Variants in SLC4A4 observed in about 807,000 individuals in gnomAD.
SLC4A4 encodes electrogenic sodium bicarbonate cotransporter 1.
A neutral mutation model predicts 111.5 loss-of-function variants in SLC4A4; 27 were observed. That is an observed-to-expected ratio of 0.24 (90% CI 0.18 to 0.33). The LOEUF is 0.33. Among genes scored for constraint, SLC4A4 ranks in the 10% least tolerant of loss-of-function variants. The probability of loss-of-function intolerance (pLI) is 1.00; values close to 1 mark genes in which losing one functional copy is unlikely to be tolerated. For synonymous variants in SLC4A4, 443 were observed against 463.4 expected (o/e 0.96, Z 0.57); for missense variants, 909 against 1,315.5 (o/e 0.69, Z 4.78).
At chr4:71,450,640 T>G (rs2149075704) in intron 10 of SLC4A4, 97 bp downstream of exon 10, 1 of 1,153,282 alleles carries the variant, frequency 8.7e-7, no homozygotes. Context: ...GTTGTTCTAA[T>G]ATTTTCAGGT....
intron 1 of SLC4A4, among the ~76,000 whole-genome samples, chr4:71,072,728 T>A (rs1443403766): frequency 6.6e-6 from 1 of 152,090 alleles, no homozygotes; most frequent in African/African-American, 2.4e-5. Context: ...TTTGGTCCTT[T>A]TTTTTGTTGT....
At chr4:71,360,768 AC>A (rs1730704643) in intron 6 of SLC4A4, among the ~76,000 whole-genome samples, 1 of 152,176 alleles carries the variant, frequency 6.6e-6, no homozygotes, top group South Asian at 2.1e-4. Context: ...AATTTACAAT[AC>A]AATATTGTAT....
chr4:71,159,152 T>C (rs543351237), intron 2 of SLC4A4, among the ~76,000 whole-genome samples: 1 of 152,244 alleles, frequency 6.6e-6, no homozygotes, highest in Non-Finnish European at 1.5e-5. Flanking sequence ...GAAAATGGTA[T>C]CATGCCTTGC....
At chr4:71,459,522 T>C in intron 12 of SLC4A4, among the ~76,000 whole-genome samples, 1 of 152,190 alleles carries the variant, frequency 6.6e-6, no homozygotes, top group Non-Finnish European at 1.5e-5. Context: ...GTATGAATAT[T>C]TAACATCATT....
At chr4:71,547,622 T>C in intron 19 of SLC4A4, 26 bp from the exon 20 acceptor site, 6 of 1,583,154 alleles carry the variant, frequency 3.8e-6, no homozygotes, top group Non-Finnish European at 5.2e-6. Context: ...AAGAGGTAGA[T>C]TGGTAATCTT....
At chr4:71,292,842 GTTTT>G (rs869195687) in intron 3 of SLC4A4, among the ~76,000 whole-genome samples, 1 of 110,184 alleles carries the variant, frequency 9.1e-6, no homozygotes, top group Non-Finnish European at 1.8e-5. Context: ...GGTTTTTTTT[GTTTT>G]TTTTTTTTTT....
intron 2 of SLC4A4, among the ~76,000 whole-genome samples, chr4:71,138,769 G>T (rs937455556): frequency 2.0e-5 from 3 of 152,162 alleles, no homozygotes; most frequent in Admixed American, 1.3e-4. Flanking sequence ...GGGCGCGGTG[G>T]CTCACGCCTG....
chr4:71,200,999 T>C (rs1042004146), intron 1 of SLC4A4, among the ~76,000 whole-genome samples: 1 of 152,226 alleles, frequency 6.6e-6, no homozygotes, highest in Non-Finnish European at 1.5e-5. Flanking sequence ...CCTCCATGAC[T>C]GTCAGGGTTT....
At chr4:71,226,837 A>T (rs906955118) in intron 1 of SLC4A4, among the ~76,000 whole-genome samples, 1 of 152,134 alleles carries the variant, frequency 6.6e-6, no homozygotes, top group African/African-American at 2.4e-5. Flanking sequence ...ATTGATTCAT[A>T]GTCACTGAAT....
rs531442348 is a variant in SLC4A4 at position 71,133,594 on chromosome 4, G to A, written c.-2+40802G>A. Reference sequence around the variant, plus strand: ...GGCTGCCTTCCTCCAGAGTGCAAACGCAGAAGTCCCAGGCCTTTTTTAGGC... The same window carrying A: ...GGCTGCCTTCCTCCAGAGTGCAAACACAGAAGTCCCAGGCCTTTTTTAGGC... On this transcript the variant is annotated intron_variant, in intron 2 of 26. Transcript: ENST00000649996. Among the ~76,000 whole-genome samples, 16 of 152,274 alleles carry A rather than the reference G, an allele frequency of 1.1e-4. No homozygotes were observed. In the East Asian group the frequency reaches 1.2e-3, roughly 11 times the overall value.
At chr4:71,150,082 C>A (rs959412365) in intron 2 of SLC4A4, among the ~76,000 whole-genome samples, 1 of 152,082 alleles carries the variant, frequency 6.6e-6, no homozygotes, top group Non-Finnish European at 1.5e-5. Context: ...ATAAAACCAT[C>A]TTTAATGCTT....
chr4:71,120,961 C>T (rs1218450540), intron 2 of SLC4A4, among the ~76,000 whole-genome samples: 3 of 152,206 alleles, frequency 2.0e-5, no homozygotes, highest in Non-Finnish European at 2.9e-5. Flanking sequence ...GGCAGCACGC[C>T]GCCCTCGCGG....
At chr4:71,370,457 T>A (rs962919889) in intron 6 of SLC4A4, among the ~76,000 whole-genome samples, 5 of 152,116 alleles carry the variant, frequency 3.3e-5, no homozygotes, top group African/African-American at 4.8e-5. Context: ...GGGAAAAAAA[T>A]TTCAGGTAAA....
At chr4:71,212,691 C>T (rs566688946) in intron 1 of SLC4A4, among the ~76,000 whole-genome samples, 16 of 152,086 alleles carry the variant, frequency 1.1e-4, no homozygotes, top group East Asian at 9.7e-4. Context: ...TGTGTGTGCA[C>T]GTGTGTGTGT....
intron 2 of SLC4A4, among the ~76,000 whole-genome samples, chr4:71,250,787 C>A (rs908959336): frequency 6.6e-6 from 1 of 152,242 alleles, no homozygotes; most frequent in East Asian, 1.9e-4. Context: ...AACACACCAT[C>A]AAAGTAGTGA....
intron 6 of SLC4A4, among the ~76,000 whole-genome samples, chr4:71,385,707 A>G (rs769639352): frequency 1.6e-4 from 24 of 152,116 alleles, no homozygotes; most frequent in Non-Finnish European, 2.4e-4. Flanking sequence ...AAAATTGCCT[A>G]TTGTTACTAC....
chr4:71,426,455 T>C (rs1443172842), intron 7 of SLC4A4, among the ~76,000 whole-genome samples: 1 of 152,038 alleles, frequency 6.6e-6, no homozygotes, highest in Non-Finnish European at 1.5e-5. Flanking sequence ...GGGATGCTGC[T>C]CAAAGGTGTG....
intron 3 of SLC4A4, among the ~76,000 whole-genome samples, chr4:71,316,203 G>A (rs1726662862): frequency 6.6e-6 from 1 of 152,142 alleles, no homozygotes; most frequent in African/African-American, 2.4e-5. Context: ...CAAAATAAAT[G>A]TTTGCAGATT....
At chr4:71,069,021 T>G (rs2148929239) in intron 1 of SLC4A4, among the ~76,000 whole-genome samples, 1 of 152,372 alleles carries the variant, frequency 6.6e-6, no homozygotes, top group East Asian at 1.9e-4. Context: ...CATTCCCAAC[T>G]GGTTCCATTG....
Sources: gnomAD v4.1 joint callset for allele counts (sites outside exome capture counted in the v4.1 genomes callset) on GRCh38, gnomAD v4.1.1 for gene constraint, MANE v1.5 for transcripts, NCBI Gene and HGNC (gene_info 2026-07-23, HGNC 2026-07-21) for gene names.